ZNF24: variants seen among roughly 807,000 people sequenced by gnomAD.
The protein encoded by ZNF24 is retinoic acid suppression protein A.
A neutral mutation model predicts 40.9 loss-of-function variants in ZNF24; 11 were observed. That is an observed-to-expected ratio of 0.27 (90% CI 0.17 to 0.45). The LOEUF (loss-of-function observed/expected upper bound fraction) is 0.45. Ranked by LOEUF, ZNF24 falls within the 20% of genes least tolerant of loss-of-function variation. The probability of loss-of-function intolerance (pLI) is 1.00; values close to 1 mark genes in which losing one functional copy is unlikely to be tolerated. For synonymous variants in ZNF24, 139 were observed against 154.7 expected (o/e 0.90, Z 0.75); for missense variants, 293 against 437.7 (o/e 0.67, Z 2.95).
Position 35,340,430 on chromosome 18 carries a change from C to T in ZNF24, c.221G>A (p.Arg74Gln), listed in dbSNP as rs779164395. Residue 74 changes from arginine (R) to glutamine (Q), a missense_variant, in exon 2 of 4, where the codon CGA (arginine) becomes CAA (glutamine). Around this residue, in one of 2 missense-constraint regions of ZNF24, gnomAD observed 234 missense variants for 299.2 expected, o/e 0.78. Coordinates refer to ENST00000261332, the MANE Select transcript of ZNF24 (RefSeq NM_006965.4). The surrounding 1 kb of genome is among the most constrained non-coding windows in gnomAD (Gnocchi z 4.6). ...CCTGAGCCACAGACGGCAAAGTTCT[C>T]GGAGCTGGCTCACAGCCTCACGGGG... ...PGPREAVSQL[R>Q]ELCRLWLRPE... 2.5e-6 allele frequency: 4 copies of T among 1,614,216 alleles called. No homozygotes were observed. Among genetic ancestry groups the T allele is most frequent in the Non-Finnish European group, 3.4e-6 (4 of 1,180,038 alleles).
chr18:35,339,215 G>A (rs1242752720), intron 3 of ZNF24: 1 of 557,472 alleles, frequency 1.8e-6, no homozygotes, highest in African/African-American at 1.9e-5. Context: ...GGAAAGACTG[G>A]TCTCGTGAAT....
At chr18:35,342,047 T>C (rs2044973163) in intron 1 of ZNF24, among the ~76,000 whole-genome samples, 1 of 152,064 alleles carries the variant, frequency 6.6e-6, no homozygotes, top group Admixed American at 6.6e-5. Flanking sequence ...AATACAAAAA[T>C]TAGCTGGGCG....
In ZNF24 at chr18:35,341,707, C is replaced by A. The variant is rs542884870; in HGVS notation, c.-83-974G>T. Among the ~76,000 whole-genome samples, 190 of 151,842 alleles carry A rather than the reference C, an allele frequency of 1.3e-3. 1 individual carries two copies. The highest frequency in any genetic ancestry group is 2.0e-3 in the Non-Finnish European group (134 of 67,902). On this transcript the variant is annotated intron_variant, in intron 1 of 3. Coordinates refer to ENST00000261332, the MANE Select transcript of ZNF24 (RefSeq NM_006965.4). ...CTAATGTGTTTATCTTAGCTTTTAA[C>A]AAAAACAGTTCCAAAAGAAAAAAAA...
chr18:35,339,459 T>G (rs535120650), intron 3 of ZNF24, among the ~76,000 whole-genome samples: 1 of 152,276 alleles, frequency 6.6e-6, no homozygotes, highest in Admixed American at 6.5e-5. Flanking sequence ...GGTTTTCAGG[T>G]AAGCTTACTG....
In ZNF24 at chr18:35,340,179, C is replaced by CAGTGCTTCTGACA. The variant is rs1470127346; in HGVS notation, c.420+51_420+52insTGTCAGAAGCACT. The CAGTGCTTCTGACA allele has an allele frequency of 6.3e-7, 1 of 1,579,178 alleles. No individual in the cohort carries two copies. Among genetic ancestry groups the CAGTGCTTCTGACA allele is most frequent in the African/African-American group, 1.3e-5 (1 of 74,078 alleles). ...AGTGGAATTAATTCAGCAGCTTTGC[C>CAGTGCTTCTGACA]TACTACCTATGCCAGTGCTTCTGAC... On this transcript the variant is annotated intron_variant, in intron 2 of 3. Transcript: ENST00000261332. The surrounding 1 kb of genome is among the most constrained non-coding windows in gnomAD (Gnocchi z 4.6).
rs938037221 is a variant in ZNF24 at position 35,332,826 on chromosome 18, T to A, written c.*4406A>T. ...AACAATATATCCACACATAACCCAA[T>A]AGAAAGCAGGTAAGGGATACAAACA... is the stretch of plus-strand genomic sequence containing the variant. On this transcript the variant is annotated 3_prime_UTR_variant, in exon 4 of 4. Coordinates refer to ENST00000261332, the MANE Select transcript of ZNF24 (RefSeq NM_006965.4). The A allele has an allele frequency of 1.1e-4, 17 of 152,306 alleles. No individual in the cohort carries two copies. Among genetic ancestry groups the A allele is most frequent in the African/African-American group, 4.1e-4 (17 of 41,324 alleles). 9.4% of individuals were successfully genotyped at this position (152,306 alleles called of 1,614,324 possible).
intron 3 of ZNF24, chr18:35,338,685 G>A (rs1327649564): frequency 4.6e-6 from 5 of 1,084,638 alleles, no homozygotes; most frequent in South Asian, 7.3e-5. Flanking sequence ...GAGACTGAAA[G>A]GTTAGAGGAG....
intron 1 of ZNF24, chr18:35,342,380 T>G (rs1193043774): frequency 6.6e-6 from 1 of 152,202 alleles, no homozygotes; most frequent in Non-Finnish European, 1.5e-5. Context: ...AAATGTTTTC[T>G]TAATAAATTT....
rs1206029456 is a variant in ZNF24 at position 35,334,255 on chromosome 18, C to T, written c.*2977G>A. On this transcript the variant is annotated 3_prime_UTR_variant, in exon 4 of 4. Transcript: ENST00000261332. ...TTGTTAACCATAAACACAAATTTAT[C>T]AAGGTTTAATAGCCACCACCCATGG... 1 of 152,136 alleles carries T rather than the reference C, an allele frequency of 6.6e-6. No homozygotes were observed. Among genetic ancestry groups the T allele is most frequent in the East Asian group, 1.9e-4 (1 of 5,196 alleles). The allele number at this position is 152,136 out of a possible 1,614,324, so 9.4% of individuals were successfully genotyped here.
In ZNF24 at chr18:35,340,162, T is replaced by A; in HGVS notation, c.420+69A>T. 2 of 1,553,100 alleles carry A rather than the reference T, an allele frequency of 1.3e-6. No homozygotes were observed. The highest frequency in any genetic ancestry group is 2.4e-5 in the South Asian group (2 of 82,986). On this transcript the variant is annotated intron_variant, in intron 2 of 3. Transcript: ENST00000261332. This position sits in a 1 kb window ranked among gnomAD's most constrained non-coding sequence, Gnocchi z 4.6. Reference sequence around the variant, plus strand: ...TAATTCTAACTTAGTTGAGTGGAATTAATTCAGCAGCTTTGCCTACTACCT... The same window carrying A: ...TAATTCTAACTTAGTTGAGTGGAATAAATTCAGCAGCTTTGCCTACTACCT...
Position 35,337,224 on chromosome 18 carries a change from T to C in ZNF24, c.*8A>G, listed in dbSNP as rs2044919874. On this transcript the variant is annotated 3_prime_UTR_variant, in exon 4 of 4. Coordinates refer to ENST00000261332, the MANE Select transcript of ZNF24 (RefSeq NM_006965.4). ...CTGAGTGCTGATTCTTTTTTTTTTT[T>C]CAATTTCTTAAACTTTCACAACATT... The C allele has an allele frequency of 7.0e-7, 1 of 1,426,986 alleles. No homozygotes were observed. Among genetic ancestry groups the C allele is most frequent in the South Asian group, 1.8e-5 (1 of 55,360 alleles). 88.4% of individuals were successfully genotyped at this position (1,426,986 alleles called of 1,614,324 possible). A position where few individuals can be genotyped will look rare whatever the true frequency, so the allele number is the denominator to read the frequency against.
Position 35,340,431 on chromosome 18 carries a change from G to A in ZNF24, c.220C>T (p.Arg74Ter). 6.2e-7 allele frequency: 1 copy of A among 1,614,206 alleles called. No homozygotes were observed. Among genetic ancestry groups the A allele is most frequent in the Non-Finnish European group, 8.5e-7 (1 of 1,180,044 alleles). The change falls in exon 2 of 4, where the codon CGA becomes TGA. Residue 74 changes from arginine (R) to a stop codon, truncating the protein, a stop_gained. Coordinates refer to ENST00000261332, the MANE Select transcript of ZNF24 (RefSeq NM_006965.4). LOFTEE classifies it high-confidence loss of function. The surrounding 1 kb of genome is among the most constrained non-coding windows in gnomAD (Gnocchi z 4.6). ...CTGAGCCACAGACGGCAAAGTTCTC[G>A]GAGCTGGCTCACAGCCTCACGGGGC... Reference protein sequence around the residue: ...PGPREAVSQLRELCRLWLRPE... With the variant: ...PGPREAVSQL
chr18:35,338,280 A>G, intron 3 of ZNF24: 2 of 985,624 alleles, frequency 2.0e-6, no homozygotes, highest in Non-Finnish European at 2.4e-6. Flanking sequence ...AGCAGAACAC[A>G]GGAGTCTTGA....
intron 1 of ZNF24, among the ~76,000 whole-genome samples, chr18:35,342,307 A>C (rs930270660): frequency 2.0e-5 from 3 of 151,926 alleles, no homozygotes; most frequent in African/African-American, 7.2e-5. Context: ...AAAAAAGTTA[A>C]AAAAAAATGT....
chr18:35,342,558 C>A (rs1413148954), intron 1 of ZNF24: 1 of 150,830 alleles, frequency 6.6e-6, no homozygotes, highest in East Asian at 1.9e-4. Context: ...TTTTTTCAAA[C>A]ATTTTATATC....
At position 35,335,482 on chromosome 18, in the gene ZNF24, T is replaced by C. The variant is rs1475279745; in HGVS notation, c.*1750A>G. 2 of 152,198 alleles carry C rather than the reference T, an allele frequency of 1.3e-5. No individual in the cohort carries two copies. The highest frequency in any genetic ancestry group is 2.4e-5 in the African/African-American group (1 of 41,456). 9.4% of individuals were successfully genotyped at this position (152,198 alleles called of 1,614,324 possible). ...GCCTTGCATTTATTACTATGCTTTT[T>C]AATAGGCTCATGCAAAATCTCACCT... On this transcript the variant is annotated 3_prime_UTR_variant, in exon 4 of 4. Transcript: ENST00000261332.
chr18:35,337,816 G>GA (rs5823970), intron 3 of ZNF24, 46 bp from the exon 4 acceptor site: 1,341,259 of 1,475,758 alleles, frequency 0.91, 614,527 homozygotes, highest in Non-Finnish European at 0.94. Flanking sequence ...TCTATTAAGG[G>GA]AAAAGAAACC....
chr18:35,338,205 T>C (rs2044930516), intron 3 of ZNF24: 1 of 986,106 alleles, frequency 1.0e-6, no homozygotes, highest in South Asian at 4.7e-5. Context: ...TAGAAAAACA[T>C]GTCAGAAAGT....
rs2044912478 is a variant in ZNF24 at position 35,336,566 on chromosome 18, G to C, written c.*666C>G. The C allele has an allele frequency of 6.6e-6, 1 of 152,102 alleles. No homozygotes were observed. The highest frequency in any genetic ancestry group is 1.5e-5 in the Non-Finnish European group (1 of 68,012). The allele number at this position is 152,102 out of a possible 1,614,324, so 9.4% of individuals were successfully genotyped here. The stretch of plus-strand genomic sequence containing the variant: ...ATTATAGAGAGGATGAGTAGCTTTT[G>C]AATTTTCCTGCAGGCAAAATATAAA... On this transcript the variant is annotated 3_prime_UTR_variant, in exon 4 of 4. Coordinates refer to ENST00000261332, the MANE Select transcript of ZNF24 (RefSeq NM_006965.4).
Sources: allele counts gnomAD v4.1 joint callset (sites outside exome capture counted in the v4.1 genomes callset), GRCh38; gene constraint gnomAD v4.1.1; regional missense constraint gnomAD v4.1.1; non-coding constraint Gnocchi (gnomAD v3.1); transcripts MANE v1.5; gene names NCBI Gene and HGNC (gene_info 2026-07-23, HGNC 2026-07-21).